PPP1R13B: variants seen among roughly 807,000 people sequenced by gnomAD.
PPP1R13B encodes the protein protein phosphatase 1 regulatory subunit 13B.
PPP1R13B carries 44 observed loss-of-function variants against 119.8 expected under a neutral mutation model. The observed-to-expected ratio is 0.37, with a 90% CI of 0.29 to 0.47. The LOEUF is 0.47. Ranked by LOEUF, PPP1R13B falls within the 20% of genes least tolerant of loss-of-function variation. PPP1R13B has a pLI of 0.99. For missense variants in PPP1R13B, 1,227 were observed against 1,413.5 expected (o/e 0.87, Z 2.12); for synonymous variants, 542 against 561.5 (o/e 0.97, Z 0.49).
chr14:103,760,147 A>C (rs1666762514), intron 4 of PPP1R13B, among the ~76,000 whole-genome samples: 2 of 152,136 alleles, frequency 1.3e-5, no homozygotes, highest in Admixed American at 6.5e-5. Flanking sequence ...GTAACAATTT[A>C]CATTTCAGTA....
chr14:103,735,905 A>G, intron 16 of PPP1R13B, 98 bp downstream of exon 16: 1 of 1,329,324 alleles, frequency 7.5e-7, no homozygotes, highest in Non-Finnish European at 1.0e-6. Flanking sequence ...AGGCTCAGAG[A>G]AGCGAAGCCT....
At chr14:103,840,483 A>G (rs1458410939) in intron 1 of PPP1R13B, among the ~76,000 whole-genome samples, 2 of 152,228 alleles carry the variant, frequency 1.3e-5, no homozygotes, top group Non-Finnish European at 2.9e-5. Context: ...CCTAAACTCC[A>G]GGTGGAAAAA....
At chr14:103,784,424 A>C (rs2085402882) in intron 3 of PPP1R13B, among the ~76,000 whole-genome samples, 1 of 151,708 alleles carries the variant, frequency 6.6e-6, no homozygotes, top group Middle Eastern at 3.2e-3. Flanking sequence ...CTCTATTAAA[A>C]ATACAAAAAT....
rs143520185 is a variant in PPP1R13B at position 103,800,686 on chromosome 14, G to C, written c.10-3168C>G. Among the ~76,000 whole-genome samples the C allele has an allele frequency of 5.2e-3, 787 of 151,812 alleles. 29 individuals carry two copies. The highest frequency in any genetic ancestry group is 0.044 in the Admixed American group (671 of 15,240). On this transcript the variant is annotated intron_variant, in intron 1 of 16. Coordinates refer to ENST00000202556, the MANE Select transcript of PPP1R13B (RefSeq NM_015316.3). ...AAAAAAAACAAAAAACAAAAAAAAA[G>C]ATTTTTTTTTCTTACAAGTGCCCTA...
Position 103,847,561 on chromosome 14 carries a change from C to T in PPP1R13B, c.-254G>A. ...CTCAACCTCAGCCTCAGCCTCAGCCCCAGCCCGACAGCCTGCGGCCCGCCC... is the reference window on the plus strand; with the variant it reads ...CTCAACCTCAGCCTCAGCCTCAGCCTCAGCCCGACAGCCTGCGGCCCGCCC... On this transcript the variant is annotated 5_prime_UTR_variant, in exon 1 of 17. Coordinates refer to ENST00000202556, the MANE Select transcript of PPP1R13B (RefSeq NM_015316.3). The T allele has an allele frequency of 2.0e-6, 2 of 986,552 alleles. No homozygotes were observed. Among genetic ancestry groups the T allele is most frequent in the Non-Finnish European group, 2.4e-6 (2 of 831,006 alleles). The allele number at this position is 986,552 out of a possible 1,614,324, so 61.1% of individuals were successfully genotyped here.
intron 1 of PPP1R13B, 34 bp downstream of exon 1, chr14:103,847,265 A>G: frequency 8.4e-7 from 1 of 1,185,344 alleles, no homozygotes; most frequent in Non-Finnish European, 1.1e-6. Context: ...CCCGCGGAGG[A>G]AGCCGCCGCC....
intron 1 of PPP1R13B, among the ~76,000 whole-genome samples, chr14:103,806,634 GT>G (rs2086024521): frequency 6.6e-6 from 1 of 152,148 alleles, no homozygotes; most frequent in Non-Finnish European, 1.5e-5. Flanking sequence ...CATTAGAGCT[GT>G]AAGGAAAACT....
chr14:103,810,695 C>T (rs1162359290), intron 1 of PPP1R13B, among the ~76,000 whole-genome samples: 3 of 151,830 alleles, frequency 2.0e-5, no homozygotes, highest in South Asian at 4.1e-4. Context: ...TGGCGTGACC[C>T]GGGAGGTGGC....
rs2085784955 is a variant in PPP1R13B, at chr14:103,797,415, G to C, written c.113C>G (p.Pro38Arg). 6.2e-7 allele frequency: 1 copy of C among 1,613,826 alleles called. No individual in the cohort carries two copies. The highest frequency in any genetic ancestry group is 1.3e-5 in the African/African-American group (1 of 74,880). ...AGCTAAATGGCAGCTGCCTTCTCCA[G>C]GTTCCTTGCAAAATTCTACAACATC... ...CRDVVEFCKEPGEGSCHLAEV... is the reference protein window; with the variant it reads ...CRDVVEFCKERGEGSCHLAEV... The change falls in exon 2 of 17, where the codon CCT becomes CGT. Residue 38 changes from proline (P) to arginine (R), a missense_variant. Physicochemically the swap from Pro to Arg is moderately radical, Grantham distance 103. Transcript: ENST00000202556.
rs533008452 is a variant in PPP1R13B, at chr14:103,813,908, G to A, written c.10-16390C>T. On this transcript the variant is annotated intron_variant, in intron 1 of 16. Coordinates refer to ENST00000202556, the MANE Select transcript of PPP1R13B (RefSeq NM_015316.3). The stretch of plus-strand genomic sequence containing the variant: ...CTAAATGAAAAGTCACTGCACTAGG[G>A]AAAAAACATTTCCATTATCATTTAT... 2.6e-5 allele frequency among the ~76,000 whole-genome samples: 4 copies of A among 152,138 alleles called. No individual in the cohort carries two copies. The South Asian group carries it at 6.2e-4, about 24-fold the overall frequency.
intron 7 of PPP1R13B, 22 bp from the exon 8 acceptor site, chr14:103,749,956 C>G (rs2295140): frequency 1.9e-6 from 3 of 1,604,276 alleles, no homozygotes; most frequent in Non-Finnish European, 2.5e-6. Flanking sequence ...AAAATACAAC[C>G]TTTATGATTT....
intron 1 of PPP1R13B, among the ~76,000 whole-genome samples, chr14:103,826,187 T>C (rs1205619000): frequency 1.3e-5 from 2 of 152,098 alleles, no homozygotes. Context: ...AAACATAACC[T>C]ATATGCACTG....
At chr14:103,838,420 A>G (rs928053246) in intron 1 of PPP1R13B, among the ~76,000 whole-genome samples, 3 of 152,248 alleles carry the variant, frequency 2.0e-5, no homozygotes, top group Non-Finnish European at 2.9e-5. Context: ...AGGACAAGAA[A>G]CAGAAATCAA....
chr14:103,793,657 G>T (rs1363419939), intron 2 of PPP1R13B, among the ~76,000 whole-genome samples: 1 of 151,790 alleles, frequency 6.6e-6, no homozygotes, highest in African/African-American at 2.4e-5. Context: ...CTTGTATAAT[G>T]GAAATCTATT....
intron 2 of PPP1R13B, 90 bp downstream of exon 2, chr14:103,797,281 C>G: frequency 7.4e-7 from 1 of 1,347,290 alleles, no homozygotes. Context: ...CCATCTTTAT[C>G]AGAAAAAAAG....
In PPP1R13B at chr14:103,827,165, A is replaced by C. The variant is rs376075567; in HGVS notation, c.9+20134T>G. 5.9e-5 allele frequency among the ~76,000 whole-genome samples: 9 copies of C among 152,122 alleles called. 1 individual carries two copies. In the East Asian group the frequency reaches 7.7e-4, roughly 13 times the overall value. On this transcript the variant is annotated intron_variant, in intron 1 of 16. Coordinates refer to ENST00000202556, the MANE Select transcript of PPP1R13B (RefSeq NM_015316.3). ...CGGTGAAACCCCATCTCTATTAAAA[A>C]TACAAAAAATTAGCCAGGTGTGGTG...
chr14:103,780,477 C>T (rs567817522), intron 3 of PPP1R13B, among the ~76,000 whole-genome samples: 526 of 91,184 alleles, frequency 5.8e-3, no homozygotes, highest in Non-Finnish European at 8.2e-3. Context: ...ACAAGTGAAA[C>T]CCTGTCTCAA....
At chr14:103,827,370 T>C (rs1453742618) in intron 1 of PPP1R13B, among the ~76,000 whole-genome samples, 1 of 151,578 alleles carries the variant, frequency 6.6e-6, no homozygotes, top group Non-Finnish European at 1.5e-5. Flanking sequence ...GGGTGGAGAG[T>C]GGAATGTGAA....
At chr14:103,767,643 C>A (rs1486677052) in intron 4 of PPP1R13B, among the ~76,000 whole-genome samples, 1 of 152,080 alleles carries the variant, frequency 6.6e-6, no homozygotes, top group East Asian at 1.9e-4. Context: ...ATGGTGAAGA[C>A]CTGGCCTCTC....
Sources: gnomAD v4.1 joint callset for allele counts (sites outside exome capture counted in the v4.1 genomes callset) on GRCh38, gnomAD v4.1.1 for gene constraint, MANE v1.5 for transcripts, NCBI Gene and HGNC (gene_info 2026-07-23, HGNC 2026-07-21) for gene names.